BABAM2: variants seen among roughly 807,000 people sequenced by gnomAD.
BABAM2 encodes the protein BRISC and BRCA1 A complex member 2, also known as BRISC and BRCA1-A complex member 2.
Under a neutral mutation model 54.7 loss-of-function variants are expected in BABAM2, and 31 were observed. The ratio of observed to expected loss-of-function variants is 0.57; its 90% CI spans 0.43 to 0.77. The LOEUF is 0.77. Among genes scored for constraint, BABAM2 ranks in the 30% least tolerant of loss-of-function variants. The probability of loss-of-function intolerance (pLI) is 0.00; values close to 1 mark genes in which losing one functional copy is unlikely to be tolerated. For missense variants in BABAM2, 364 were observed against 455.8 expected (o/e 0.80, Z 1.83); for synonymous variants, 167 against 162.9 (o/e 1.03, Z -0.19).
At chr2:28,194,597 GAGA>G (rs1423260278) in intron 7 of BABAM2, among the ~76,000 whole-genome samples, 4 of 16,012 alleles carry the variant, frequency 2.5e-4, no homozygotes, top group African/African-American at 7.4e-4. Context: ...TTTTTTTTTT[GAGA>G]AGGAGTCTTG....
intron 9 of BABAM2, among the ~76,000 whole-genome samples, chr2:28,244,285 C>T (rs556434058): frequency 8.5e-5 from 13 of 152,270 alleles, no homozygotes; most frequent in African/African-American, 2.9e-4. Context: ...TTTAGTAATA[C>T]TGTCATTGCA....
At chr2:28,327,526 A>C in intron 11 of BABAM2, 130 of 1,431,904 alleles carry the variant, frequency 9.1e-5, no homozygotes, top group Non-Finnish European at 1.1e-4. Context: ...AATGGATCTC[A>C]GTCAGTTGTT....
Position 28,177,669 on chromosome 2 carries a change from A to G in BABAM2, c.680+48289A>G, listed in dbSNP as rs551167996. On this transcript the variant is annotated intron_variant, in intron 7 of 11. Coordinates refer to ENST00000379624, the MANE Select transcript of BABAM2 (RefSeq NM_199191.3). ...AATAATCTTAAATGTAAGTGGATTAAATTTTCCACTGAAAAGATACAGACT... is the reference window on the plus strand; with the variant it reads ...AATAATCTTAAATGTAAGTGGATTAGATTTTCCACTGAAAAGATACAGACT... Among the ~76,000 whole-genome samples, 18 of 152,082 alleles carry G rather than the reference A, an allele frequency of 1.2e-4. No homozygotes were observed. The East Asian group carries it at 3.3e-3, about 28-fold the overall frequency.
At chr2:28,203,652 C>T (rs896161584) in intron 7 of BABAM2, among the ~76,000 whole-genome samples, 8 of 152,072 alleles carry the variant, frequency 5.3e-5, no homozygotes, top group East Asian at 1.9e-4. Flanking sequence ...ACATAAGAGA[C>T]GTTTTTCATT....
chr2:28,065,069 G>GC (rs1360684930), intron 6 of BABAM2, among the ~76,000 whole-genome samples: 1 of 150,786 alleles, frequency 6.6e-6, no homozygotes, highest in East Asian at 1.9e-4. Flanking sequence ...CATTTCTTTA[G>GC]CACACCATCA....
chr2:28,274,831 ACT>A (rs1347380162), intron 10 of BABAM2, among the ~76,000 whole-genome samples: 1 of 151,810 alleles, frequency 6.6e-6, no homozygotes, highest in African/African-American at 2.4e-5. Context: ...AAATGGTGTG[ACT>A]CTTCCCATTT....
chr2:27,972,849 C>T (rs1671320269), intron 3 of BABAM2, among the ~76,000 whole-genome samples: 1 of 150,494 alleles, frequency 6.6e-6, no homozygotes, highest in African/African-American at 2.5e-5. Context: ...TCACTGTAAC[C>T]TCCACCTCCC....
chr2:28,147,424 G>C (rs1410525510), intron 7 of BABAM2, among the ~76,000 whole-genome samples: 1 of 151,264 alleles, frequency 6.6e-6, no homozygotes, highest in African/African-American at 2.4e-5. Context: ...AAGAAGAAAG[G>C]ACAAGTAGCA....
intron 7 of BABAM2, among the ~76,000 whole-genome samples, chr2:28,167,200 T>C (rs1051155035): frequency 6.6e-6 from 1 of 152,214 alleles, no homozygotes; most frequent in African/African-American, 2.4e-5. Context: ...GACTGAATAC[T>C]TGCACCGTCA....
At chr2:28,018,412 A>C (rs1480113131) in intron 4 of BABAM2, among the ~76,000 whole-genome samples, 1 of 152,164 alleles carries the variant, frequency 6.6e-6, no homozygotes, top group Non-Finnish European at 1.5e-5. Flanking sequence ...TGATTGATGA[A>C]TATTTGGGCT....
Position 28,322,207 on chromosome 2 carries a change from A to G in BABAM2, c.1089-16243A>G, listed in dbSNP as rs1387852843. On this transcript the variant is annotated intron_variant, in intron 11 of 11. Transcript: ENST00000379624. This position sits in a 1 kb window ranked among gnomAD's most constrained non-coding sequence, Gnocchi z 4.1. ...CTGCATGTAAAGCTAGGCACTCCCC[A>G]GTGATGGAGCTTCCAGCTGCCCCTA... is the stretch of plus-strand genomic sequence containing the variant. Among the ~76,000 whole-genome samples, 2 of 152,090 alleles carry G rather than the reference A, an allele frequency of 1.3e-5. No homozygotes were observed. The highest frequency in any genetic ancestry group is 4.8e-5 in the African/African-American group (2 of 41,432).
intron 10 of BABAM2, among the ~76,000 whole-genome samples, chr2:28,290,630 C>A (rs920089918): frequency 6.6e-6 from 1 of 152,176 alleles, no homozygotes; most frequent in Non-Finnish European, 1.5e-5. Flanking sequence ...ACAGCCCCTG[C>A]GCTTAAGGAC....
In BABAM2 at chr2:28,338,487, G is replaced by A. The variant is rs1434928540; in HGVS notation, c.1126G>A (p.Ala376Thr). The A allele has an allele frequency of 6.2e-7, 1 of 1,614,142 alleles. No homozygotes were observed. Among genetic ancestry groups the A allele is most frequent in the Admixed American group, 1.7e-5 (1 of 60,028 alleles). The change falls in exon 12 of 12, where the codon GCA becomes ACA. Residue 376 changes from alanine to threonine, a missense_variant. Transcript: ENST00000379624. ...FKTFVPQFQEAAFANGKL is the reference protein window; with the variant it reads ...FKTFVPQFQETAFANGKL ...AACCTTTGTCCCTCAGTTCCAGGAG[G>A]CAGCATTTGCCAATGGAAAGCTCTA...
chr2:28,190,758 G>A (rs769376180), intron 7 of BABAM2, among the ~76,000 whole-genome samples: 27 of 152,086 alleles, frequency 1.8e-4, no homozygotes, highest in Non-Finnish European at 3.2e-4. Context: ...CCTTCCAAAG[G>A]TTCTACTTAC....
intron 6 of BABAM2, among the ~76,000 whole-genome samples, chr2:28,093,305 G>A (rs1354903035): frequency 6.6e-6 from 1 of 152,168 alleles, no homozygotes; most frequent in Non-Finnish European, 1.5e-5. Flanking sequence ...TTAAGAGAAG[G>A]AAAGGCTCAG....
At chr2:28,305,677 A>G (rs1688456660) in intron 11 of BABAM2, among the ~76,000 whole-genome samples, 1 of 152,146 alleles carries the variant, frequency 6.6e-6, no homozygotes, top group Non-Finnish European at 1.5e-5. Context: ...TCTTTAGTAA[A>G]TGTAGGGATA....
chr2:27,993,829 T>C (rs1244619177), intron 4 of BABAM2, among the ~76,000 whole-genome samples: 1 of 152,126 alleles, frequency 6.6e-6, no homozygotes, highest in Admixed American at 6.6e-5. Flanking sequence ...CCTTGTCACT[T>C]TTCCTCCTGT....
chr2:27,926,504 C>T (rs1667716809), intron 2 of BABAM2, among the ~76,000 whole-genome samples: 1 of 152,214 alleles, frequency 6.6e-6, no homozygotes, highest in Admixed American at 6.5e-5. Flanking sequence ...TCGGATTTCA[C>T]CTCCTCCAGA....
At chr2:28,095,526 C>T (rs1270222446) in intron 6 of BABAM2, among the ~76,000 whole-genome samples, 1 of 152,060 alleles carries the variant, frequency 6.6e-6, no homozygotes. Context: ...ATTCATAGTC[C>T]AGTACTCATT....
Sources: allele counts gnomAD v4.1 joint callset (sites outside exome capture counted in the v4.1 genomes callset), GRCh38; gene constraint gnomAD v4.1.1; non-coding constraint Gnocchi (gnomAD v3.1); transcripts MANE v1.5; gene names NCBI Gene and HGNC (gene_info 2026-07-23, HGNC 2026-07-21).